The following PDE1A variants were observed in gnomAD, a reference collection of about 807,000 sequenced individuals.
PDE1A encodes phosphodiesterase 1A.
A neutral mutation model predicts 61.7 loss-of-function variants in PDE1A; 35 were observed. That is an observed-to-expected ratio of 0.57 (90% CI 0.43 to 0.75). The LOEUF (loss-of-function observed/expected upper bound fraction) is 0.75, where lower values mean the gene tolerates loss of function less well. Among genes scored for constraint, PDE1A ranks in the 30% least tolerant of loss-of-function variants. The pLI is 0.00. For missense variants in PDE1A, 597 were observed against 630.6 expected (o/e 0.95, Z 0.57); for synonymous variants, 232 against 213.2 (o/e 1.09, Z -0.77).
intron 10 of PDE1A, among the ~76,000 whole-genome samples, 190 bp downstream of exon 10, chr2:182,201,249 T>G (rs1056064384): frequency 6.6e-6 from 1 of 152,176 alleles, no homozygotes. Context: ...CTTTAAAACA[T>G]GTATCACACT....
intron 1 of PDE1A, among the ~76,000 whole-genome samples, chr2:182,323,748 C>T (rs765881154): frequency 3.9e-5 from 6 of 152,170 alleles, no homozygotes; most frequent in Non-Finnish European, 7.4e-5. Context: ...GATAGTAACG[C>T]AAGTATTACA....
intron 7 of PDE1A, among the ~76,000 whole-genome samples, chr2:182,220,685 A>G (rs1187890559): frequency 1.3e-5 from 2 of 152,110 alleles, no homozygotes; most frequent in Non-Finnish European, 2.9e-5. Flanking sequence ...GCATTATAAT[A>G]TCTGCATTGA....
chr2:182,439,812 AC>A (rs1425454192), intron 2 of PDE1A, among the ~76,000 whole-genome samples: 1 of 152,092 alleles, frequency 6.6e-6, no homozygotes, highest in Non-Finnish European at 1.5e-5. Context: ...GGCTAACTGT[AC>A]AAATATTTGA....
chr2:182,609,142 G>T, the PDE1A span, among the ~76,000 whole-genome samples: 1 of 152,136 alleles, frequency 6.6e-6, no homozygotes, highest in African/African-American at 2.4e-5. Flanking sequence ...TCTAGTTCAG[G>T]GTTTGTAAAT....
intron 1 of PDE1A, among the ~76,000 whole-genome samples, chr2:182,379,287 G>A (rs890280695): frequency 6.6e-6 from 1 of 152,178 alleles, no homozygotes; most frequent in Non-Finnish European, 1.5e-5. Flanking sequence ...GTCCTGCAAT[G>A]TTAAAAGCCA....
chr2:182,396,337 C>CT (rs1196509252), intron 1 of PDE1A, among the ~76,000 whole-genome samples: 2 of 152,206 alleles, frequency 1.3e-5, no homozygotes, highest in African/African-American at 4.8e-5. Flanking sequence ...GTGCACTTTG[C>CT]TTGGAAGGAG....
intron 1 of PDE1A, among the ~76,000 whole-genome samples, chr2:182,329,867 A>G (rs2124930249): frequency 6.6e-6 from 1 of 152,316 alleles, no homozygotes; most frequent in South Asian, 2.1e-4. Context: ...AGACTCCACA[A>G]CGAAAGTTCC....
the PDE1A span, among the ~76,000 whole-genome samples, chr2:182,679,844 GA>G: frequency 2.6e-5 from 4 of 152,072 alleles, no homozygotes; most frequent in Non-Finnish European, 5.9e-5. Context: ...AGTGCATATG[GA>G]AAGATAGGGA....
chr2:182,189,922 G>A (rs1373657123), intron 10 of PDE1A, among the ~76,000 whole-genome samples: 1 of 152,038 alleles, frequency 6.6e-6, no homozygotes, highest in Non-Finnish European at 1.5e-5. Context: ...AACATTTTAG[G>A]TTCTATTTTC....
At chr2:182,557,835 T>C in the PDE1A span, among the ~76,000 whole-genome samples, 1 of 152,186 alleles carries the variant, frequency 6.6e-6, no homozygotes, top group Non-Finnish European at 1.5e-5. Flanking sequence ...GATAATTTTA[T>C]AAAACATCCA....
chr2:182,454,984 A>G (rs1434046347), intron 2 of PDE1A, among the ~76,000 whole-genome samples: 1 of 151,834 alleles, frequency 6.6e-6, no homozygotes, highest in African/African-American at 2.4e-5. Flanking sequence ...ACAAAATGGG[A>G]GAAAATTTTT....
At chr2:182,361,508 A>G (rs533981626) in intron 1 of PDE1A, among the ~76,000 whole-genome samples, 3 of 152,218 alleles carry the variant, frequency 2.0e-5, no homozygotes, top group Non-Finnish European at 4.4e-5. Context: ...AAAGGATAGC[A>G]CACAGCTAAA....
the PDE1A span, among the ~76,000 whole-genome samples, chr2:182,627,125 TG>T: frequency 3.8e-5 from 1 of 26,238 alleles, no homozygotes; most frequent in African/African-American, 1.0e-4. Flanking sequence ...TAATATATTA[TG>T]TATATATAAA....
intron 1 of PDE1A, among the ~76,000 whole-genome samples, chr2:182,336,481 A>G (rs1046920154): frequency 1.3e-5 from 2 of 152,154 alleles, no homozygotes; most frequent in African/African-American, 4.8e-5. Context: ...ACATGGATGA[A>G]GCTGAACACC....
At chr2:182,239,168 GA>G (rs1690299685) in intron 3 of PDE1A, among the ~76,000 whole-genome samples, 1 of 152,064 alleles carries the variant, frequency 6.6e-6, no homozygotes, top group African/African-American at 2.4e-5. Context: ...CCCTTTAGCA[GA>G]AAAAAATTCA....
intron 1 of PDE1A, among the ~76,000 whole-genome samples, chr2:182,356,339 T>C (rs1341726690): frequency 6.6e-6 from 1 of 152,194 alleles, no homozygotes; most frequent in Non-Finnish European, 1.5e-5. Flanking sequence ...TGTGTCTATA[T>C]ACTATGTTAC....
chr2:182,248,588 A>C (rs1025228290), intron 2 of PDE1A, among the ~76,000 whole-genome samples: 1 of 152,170 alleles, frequency 6.6e-6, no homozygotes, highest in African/African-American at 2.4e-5. Flanking sequence ...TGAACTAAAA[A>C]GTTTGCAGGG....
chr2:182,608,399 G>C, the PDE1A span, among the ~76,000 whole-genome samples: 4 of 152,218 alleles, frequency 2.6e-5, no homozygotes, highest in African/African-American at 9.6e-5. Flanking sequence ...CACCGTGGGA[G>C]CCCTTTTCTG....
chr2:182,302,947 GT>G (rs1695342092), intron 1 of PDE1A, among the ~76,000 whole-genome samples: 1 of 152,170 alleles, frequency 6.6e-6, no homozygotes, highest in Admixed American at 6.5e-5. Context: ...ATCCACTTAA[GT>G]TTTAACATGA....
Sources: allele counts gnomAD v4.1 joint callset (sites outside exome capture counted in the v4.1 genomes callset), GRCh38; gene constraint gnomAD v4.1.1; transcripts MANE v1.5; gene names NCBI Gene and HGNC (gene_info 2026-07-23, HGNC 2026-07-21).